The following EPB41L2 variants were observed in gnomAD, a reference collection of about 807,000 sequenced individuals.
EPB41L2 encodes the protein erythrocyte membrane protein band 4.1 like 2.
In EPB41L2, 43 loss-of-function variants were observed where a neutral mutation model predicts 113.0. The observed-to-expected ratio is 0.38, with a 90% CI of 0.30 to 0.49. EPB41L2 has a LOEUF of 0.49. Ranked by LOEUF, EPB41L2 falls within the 20% of genes least tolerant of loss-of-function variation. EPB41L2 has a pLI of 0.95. For synonymous variants in EPB41L2, 442 were observed against 436.7 expected (o/e 1.01, Z -0.15); for missense variants, 1,147 against 1,223.4 (o/e 0.94, Z 0.93).
chr6:130,994,567 C>A (rs533217304), intron 1 of EPB41L2, among the ~76,000 whole-genome samples: 1 of 152,220 alleles, frequency 6.6e-6, no homozygotes, highest in South Asian at 2.1e-4. Flanking sequence ...GCATGGTCTG[C>A]CCCAGGCGAC....
intron 19 of EPB41L2, among the ~76,000 whole-genome samples, chr6:130,846,060 T>C (rs1370911957): frequency 1.3e-5 from 2 of 152,188 alleles, no homozygotes; most frequent in Non-Finnish European, 2.9e-5. Context: ...CAATTGACAG[T>C]ACTTGTTGCC....
At chr6:130,959,072 T>C (rs1370815295) in intron 1 of EPB41L2, among the ~76,000 whole-genome samples, 2 of 151,994 alleles carry the variant, frequency 1.3e-5, no homozygotes, top group Non-Finnish European at 2.9e-5. Flanking sequence ...ATTAATCTAA[T>C]GGTAAAGAGG....
rs1583442837 is a variant in EPB41L2, at chr6:130,918,697, T to C, written c.810+7908A>G. On this transcript the variant is annotated intron_variant, in intron 4 of 19. Coordinates refer to ENST00000337057, the MANE Select transcript of EPB41L2 (RefSeq NM_001431.4). Reference sequence around the variant, plus strand: ...ATTAAAACCAAACAAATGTGTAGATTTTCTCTCCATGAAAAATTTGTATAC... The same window carrying C: ...ATTAAAACCAAACAAATGTGTAGATCTTCTCTCCATGAAAAATTTGTATAC... 2.0e-5 allele frequency among the ~76,000 whole-genome samples: 3 copies of C among 150,908 alleles called. No homozygotes were observed. In the South Asian group the frequency reaches 6.3e-4, roughly 32 times the overall value.
At chr6:130,888,781 G>A (rs1453976448) in intron 11 of EPB41L2, among the ~76,000 whole-genome samples, 1 of 152,160 alleles carries the variant, frequency 6.6e-6, no homozygotes, top group Non-Finnish European at 1.5e-5. Flanking sequence ...CTTTAGCAGT[G>A]ATAGTACATT....
chr6:131,029,568 A>G (rs927603004), intron 1 of EPB41L2, among the ~76,000 whole-genome samples: 1 of 152,174 alleles, frequency 6.6e-6, no homozygotes, highest in Non-Finnish European at 1.5e-5. Flanking sequence ...TAGAACTATC[A>G]CAGCTCTATT....
Position 130,956,185 on chromosome 6 carries a change from C to T in EPB41L2, c.301G>A (p.Glu101Lys), listed in dbSNP as rs778628882. 3.7e-6 allele frequency: 6 copies of T among 1,614,130 alleles called. No homozygotes were observed. Among genetic ancestry groups the T allele is most frequent in the South Asian group, 2.2e-5 (2 of 91,080 alleles). ...VVAKDGGDKKEPTQAVVEEQV... is the reference protein window; with the variant it reads ...VVAKDGGDKKKPTQAVVEEQV... The stretch of plus-strand genomic sequence containing the variant: ...TCTTCAACAACAGCTTGGGTAGGCT[C>T]TTTTTTATCTCCTCCATCTTTGGCC... Residue 101 changes from glutamate (E) to lysine (K), a missense_variant, in exon 2 of 20, where the codon GAG (glutamate) becomes AAG (lysine). Physicochemically the swap from Glu to Lys is moderately conservative, Grantham distance 56. Transcript: ENST00000337057.
chr6:130,850,213 G>A (rs937837651), intron 19 of EPB41L2, among the ~76,000 whole-genome samples: 1 of 152,158 alleles, frequency 6.6e-6, no homozygotes, highest in Admixed American at 6.5e-5. Context: ...ACTCCAGTCT[G>A]CGCGACAAGA....
At chr6:130,949,979 C>T (rs1011309403) in intron 3 of EPB41L2, among the ~76,000 whole-genome samples, 2 of 151,996 alleles carry the variant, frequency 1.3e-5, no homozygotes, top group African/African-American at 4.8e-5. Flanking sequence ...TGACTGTTTA[C>T]GTTATTGGAA....
intron 14 of EPB41L2, chr6:130,876,680 C>T (rs976072661): frequency 3.8e-6 from 5 of 1,303,234 alleles, no homozygotes; most frequent in South Asian, 1.2e-5. Flanking sequence ...ACACCTTGTC[C>T]GTCTCCTGAG....
chr6:131,020,397 T>C (rs1789181910), intron 1 of EPB41L2, among the ~76,000 whole-genome samples: 1 of 152,208 alleles, frequency 6.6e-6, no homozygotes, highest in African/African-American at 2.4e-5. Flanking sequence ...TCATATCAGT[T>C]TCTGCAGCCT....
chr6:130,848,197 T>A (rs867944310), intron 19 of EPB41L2, among the ~76,000 whole-genome samples: 350 of 127,794 alleles, frequency 2.7e-3, no homozygotes, highest in African/African-American at 9.3e-3. Context: ...TCTCTCTCTC[T>A]CTCACACACA....
intron 19 of EPB41L2, among the ~76,000 whole-genome samples, chr6:130,855,448 G>A (rs1230780014): frequency 1.3e-5 from 2 of 152,112 alleles, no homozygotes; most frequent in African/African-American, 4.8e-5. Flanking sequence ...TCAGGCCACT[G>A]GATGTTTTAT....
At position 130,954,040 on chromosome 6, in the gene EPB41L2, C is replaced by CTTTTTTTTTTTTTTTTTTTTTTTTTTTT. The variant is rs780758511; in HGVS notation, c.705+1037_705+1064dup. ...TCCTCTTTTGCTAGTCCTTTTCTTTCTTTTTTTTTTTTTTTTTTTTTTTTT... is the reference window on the plus strand; with the variant it reads ...TCCTCTTTTGCTAGTCCTTTTCTTTCTTTTTTTTTTTTTTTTTTTTTTTTTTTTTTTTTTTTTTTTTTTTTTTTTTTTT... On this transcript the variant is annotated intron_variant, in intron 3 of 19. Transcript: ENST00000337057. 2.0e-4 allele frequency among the ~76,000 whole-genome samples: 12 copies of CTTTTTTTTTTTTTTTTTTTTTTTTTTTT among 58,866 alleles called. 2 individuals are homozygous for CTTTTTTTTTTTTTTTTTTTTTTTTTTTT. The highest frequency in any genetic ancestry group is 9.2e-4 in the South Asian group (1 of 1,082). 38.6% of individuals were successfully genotyped at this position (58,866 alleles called of 152,430 possible).
chr6:130,965,477 A>G (rs1774858113), intron 1 of EPB41L2, among the ~76,000 whole-genome samples: 1 of 152,116 alleles, frequency 6.6e-6, no homozygotes, highest in South Asian at 2.1e-4. Context: ...TTTGGTCTCT[A>G]TCTGAATTCA....
chr6:131,003,146 AT>A (rs146955104), intron 1 of EPB41L2, among the ~76,000 whole-genome samples: 7,833 of 152,238 alleles, frequency 0.051, 311 homozygotes, highest in East Asian at 0.12. Context: ...TTAAAAAAAA[AT>A]CACTTGGCAC....
At chr6:131,004,813 T>C (rs1785103118) in intron 1 of EPB41L2, among the ~76,000 whole-genome samples, 1 of 152,156 alleles carries the variant, frequency 6.6e-6, no homozygotes. Context: ...CCTGGTCACC[T>C]TTCCCTTCCT....
rs1211488807 is a variant in EPB41L2, at chr6:130,858,212, T to C, written c.2942A>G (p.Glu981Gly). The C allele has an allele frequency of 3.1e-6, 5 of 1,613,568 alleles. No individual in the cohort carries two copies. Among genetic ancestry groups the C allele is most frequent in the African/African-American group, 1.3e-5 (1 of 74,934 alleles). ...TGTGACCGACATGTCAGGGTGCTGCTCTCTGGCTTCCCTGATCGCCTGAGC... is the reference window on the plus strand; with the variant it reads ...TGTGACCGACATGTCAGGGTGCTGCCCTCTGGCTTCCCTGATCGCCTGAGC... The part of the protein sequence containing the change: ...ALAQAIREAR[E>G]QHPDMSVTRV... The change falls in exon 19 of 20, where the codon GAG (glutamate) becomes GGG (glycine). Residue 981 changes from glutamate (E) to glycine (G), a missense_variant. Transcript: ENST00000337057.
At chr6:130,975,927 C>T (rs1393819079) in intron 1 of EPB41L2, among the ~76,000 whole-genome samples, 1 of 152,186 alleles carries the variant, frequency 6.6e-6, no homozygotes, top group Non-Finnish European at 1.5e-5. Flanking sequence ...AGTCGGGAGG[C>T]TGAGGCAGGA....
intron 19 of EPB41L2, among the ~76,000 whole-genome samples, chr6:130,844,241 A>C (rs1776328164): frequency 6.6e-6 from 1 of 152,218 alleles, no homozygotes; most frequent in South Asian, 2.1e-4. Context: ...GCAATAACAT[A>C]ATCAAATATT....
Sources: allele counts gnomAD v4.1 joint callset (sites outside exome capture counted in the v4.1 genomes callset), GRCh38; gene constraint gnomAD v4.1.1; transcripts MANE v1.5; gene names NCBI Gene and HGNC (gene_info 2026-07-23, HGNC 2026-07-21).